WFS1: variants seen among roughly 807,000 people sequenced by gnomAD.
WFS1 encodes the protein wolframin.
Under a neutral mutation model 68.5 loss-of-function variants are expected in WFS1, and 90 were observed. The ratio of observed to expected loss-of-function variants is 1.31; its 90% CI spans 1.11 to 1.56. WFS1 has a LOEUF of 1.56. WFS1 is among the 40% of genes most tolerant of loss of function. The pLI, the probability that WFS1 is intolerant of heterozygous loss-of-function variation, is 0.00. For synonymous variants in WFS1, 860 were observed against 540.7 expected (o/e 1.59, Z -8.19); for missense variants, 1,767 against 1,232.6 (o/e 1.43, Z -6.49).
rs1730394064 is a variant in WFS1, at chr4:6,289,116, T to C, written c.445T>C (p.Leu149=). The C allele has an allele frequency of 4.4e-6, 7 of 1,578,984 alleles. No individual in the cohort carries two copies. The highest frequency in any genetic ancestry group is 4.3e-6 in the Non-Finnish European group (5 of 1,162,700). Residue 149 remains leucine, a synonymous_variant, in exon 4 of 8, where the codon TTG becomes CTG. Transcript: ENST00000226760. ...REAVKLLRRC[L]ADRRGITSEN... ...GGCTGTGAAGCTGCTTCGCCGGTGC[T>C]TGGCGGACAGAAGAGGTGGGTCTGT...
At chr4:6,299,635 T>G (rs1578606536) in intron 7 of WFS1, among the ~76,000 whole-genome samples, 3 of 54,428 alleles carry the variant, frequency 5.5e-5, no homozygotes, top group Admixed American at 2.6e-4. Context: ...TGTGTAGGGG[T>G]GGGTTGCGTG....
At chr4:6,271,943 C>T (rs1486144538) in intron 1 of WFS1, among the ~76,000 whole-genome samples, 3 of 152,300 alleles carry the variant, frequency 2.0e-5, no homozygotes, top group Non-Finnish European at 4.4e-5. Context: ...CAGCCACCTG[C>T]GTGTTCCTGG....
At chr4:6,295,656 A>G (rs367675787) in intron 7 of WFS1, among the ~76,000 whole-genome samples, 1 of 152,332 alleles carries the variant, frequency 6.6e-6, no homozygotes. Context: ...TGGATCTGCA[A>G]GGGCTCAGGG....
chr4:6,299,736 AGGTTGCGTGTGTGTGTGTAGG>A (rs1730792990), intron 7 of WFS1, among the ~76,000 whole-genome samples: 2 of 29,926 alleles, frequency 6.7e-5, no homozygotes, highest in Non-Finnish European at 1.3e-4. Context: ...GAATGCGGGT[AGGTTGCGTGTGTGTGTGTAGG>A]GGTGGGTTGC....
In WFS1 at chr4:6,291,300, C is replaced by A; in HGVS notation, c.564C>A (p.Asn188Lys). 3 of 1,613,448 alleles carry A rather than the reference C, an allele frequency of 1.9e-6. No homozygotes were observed. The highest frequency in any genetic ancestry group is 2.5e-6 in the Non-Finnish European group (3 of 1,180,014). Residue 188 changes from asparagine (N) to lysine (K), a missense_variant, in exon 5 of 8, where the codon AAC becomes AAA. Coordinates refer to ENST00000226760, the MANE Select transcript of WFS1 (RefSeq NM_006005.3). ...KAALVMYWKL[N>K]PKKKKQVAVA... ...CCCTGGTCATGTACTGGAAGCTCAA[C>A]CCCAAGAAGAAGAAGCAGGTGGCCG... is the stretch of plus-strand genomic sequence containing the variant.
intron 4 of WFS1, 120 bp downstream of exon 4, chr4:6,289,251 C>A: frequency 7.3e-7 from 1 of 1,373,466 alleles, no homozygotes; most frequent in Non-Finnish European, 9.8e-7. Context: ...TGGGAAATTT[C>A]AGTTTCTGTT....
At chr4:6,279,652 G>C (rs997201619) in intron 2 of WFS1, among the ~76,000 whole-genome samples, 20 of 152,174 alleles carry the variant, frequency 1.3e-4, no homozygotes, top group African/African-American at 4.8e-4. Context: ...AGCAATATGG[G>C]AGACAGGAGT....
At chr4:6,300,619 T>G in intron 7 of WFS1, 38 bp from the exon 8 acceptor site, 1 of 1,613,362 alleles carries the variant, frequency 6.2e-7, no homozygotes, top group South Asian at 1.1e-5. Flanking sequence ...GTGGGGGTCC[T>G]GTCCCAGCCT....
chr4:6,275,364 G>A (rs2109106464), intron 1 of WFS1, among the ~76,000 whole-genome samples: 1 of 152,284 alleles, frequency 6.6e-6, no homozygotes, highest in South Asian at 2.1e-4. Context: ...ACAGCGTGTG[G>A]GTTCTACGTG....
At chr4:6,276,680 C>T (rs1730004730) in intron 1 of WFS1, among the ~76,000 whole-genome samples, 1 of 152,170 alleles carries the variant, frequency 6.6e-6, no homozygotes, top group South Asian at 2.1e-4. Flanking sequence ...TCAGTACCAG[C>T]GTATTAGTTT....
Position 6,287,251 on chromosome 4 carries a change from C to T in WFS1, c.315+76C>T. On this transcript the variant is annotated intron_variant, in intron 3 of 7. Coordinates refer to ENST00000226760, the MANE Select transcript of WFS1 (RefSeq NM_006005.3). This position sits in a 1 kb window ranked among gnomAD's most constrained non-coding sequence, Gnocchi z 6.4. The stretch of plus-strand genomic sequence containing the variant: ...CAGGCCTGGCCACGAGCTCCACAGC[C>T]CACAGAGAAGTGTCGGTGCCTGAGA... The T allele has an allele frequency of 2.3e-6, 3 of 1,330,970 alleles. No homozygotes were observed. The highest frequency in any genetic ancestry group is 3.2e-6 in the Non-Finnish European group (3 of 949,288). The allele number at this position is 1,330,970 out of a possible 1,614,324, so 82.4% of individuals were successfully genotyped here. A position where few individuals can be genotyped will look rare whatever the true frequency, so the allele number is the denominator to read the frequency against.
At chr4:6,279,777 T>C (rs1283785929) in intron 2 of WFS1, among the ~76,000 whole-genome samples, 1 of 152,220 alleles carries the variant, frequency 6.6e-6, no homozygotes, top group Non-Finnish European at 1.5e-5. Context: ...GAAGACTGCC[T>C]GGAGGAGGCA....
rs149846741 is a variant in WFS1, at chr4:6,300,947, C to G, written c.1152C>G (p.Phe384Leu). 4 of 1,614,046 alleles carry G rather than the reference C, an allele frequency of 2.5e-6. No individual in the cohort carries two copies. Among genetic ancestry groups the G allele is most frequent in the South Asian group, 1.1e-5 (1 of 91,080 alleles). Residue 384 changes from phenylalanine (F) to leucine (L), a missense_variant, in exon 8 of 8, where the codon TTC (phenylalanine) becomes TTG (leucine). Coordinates refer to ENST00000226760, the MANE Select transcript of WFS1 (RefSeq NM_006005.3). Reference protein sequence around the residue: ...FRTLTDLLLRFEPNLDVEQAE... With the variant: ...FRTLTDLLLRLEPNLDVEQAE... ...CCCTCACCGACCTGCTGCTGCGCTT[C>G]GAGCCCAACCTGGATGTGGAGCAGG...
At chr4:6,288,590 G>C (rs920336275) in intron 3 of WFS1, 3 of 322,918 alleles carry the variant, frequency 9.3e-6, no homozygotes, top group Non-Finnish European at 1.8e-5. Flanking sequence ...CCCTTGGTTA[G>C]CTGGCGTCTC....
In WFS1 at chr4:6,289,116, T is replaced by G; in HGVS notation, c.445T>G (p.Leu149Val). 6.3e-7 allele frequency: 1 copy of G among 1,578,984 alleles called. No individual in the cohort carries two copies. Among genetic ancestry groups the G allele is most frequent in the East Asian group, 2.3e-5 (1 of 42,940 alleles). ...GGCTGTGAAGCTGCTTCGCCGGTGCTTGGCGGACAGAAGAGGTGGGTCTGT... is the reference window on the plus strand; with the variant it reads ...GGCTGTGAAGCTGCTTCGCCGGTGCGTGGCGGACAGAAGAGGTGGGTCTGT... ...REAVKLLRRC[L>V]ADRRGITSEN... Residue 149 changes from leucine (L) to valine (V), a missense_variant, in exon 4 of 8, where the codon TTG (leucine) becomes GTG (valine). Coordinates refer to ENST00000226760, the MANE Select transcript of WFS1 (RefSeq NM_006005.3).
At chr4:6,290,507 C>G (rs1231911615) in intron 4 of WFS1, among the ~76,000 whole-genome samples, 2 of 152,260 alleles carry the variant, frequency 1.3e-5, no homozygotes, top group Non-Finnish European at 2.9e-5. Context: ...CTGCACACAC[C>G]TTCTGATGTG....
In WFS1 at chr4:6,277,524, G is replaced by A. The variant is rs750859280; in HGVS notation, c.69G>A (p.Ala23=). The stretch of plus-strand genomic sequence containing the variant: ...CCCCGCCAGCACCGCAGCCCCAGGC[G>A]CGTTCCCGACTCAATGCCACAGCCT... ...PQPPPAPQPQ[A]RSRLNATASL... The change falls in exon 2 of 8, where the codon GCG becomes GCA. Residue 23 remains alanine (A), a synonymous_variant. Coordinates refer to ENST00000226760, the MANE Select transcript of WFS1 (RefSeq NM_006005.3). The A allele has an allele frequency of 7.6e-5, 121 of 1,585,234 alleles. 1 individual carries two copies. Among genetic ancestry groups the A allele is most frequent in the African/African-American group, 2.8e-4 (21 of 74,614 alleles).
In WFS1 at chr4:6,299,907, G is replaced by A. The variant is rs1385714154; in HGVS notation, c.862-750G>A. On this transcript the variant is annotated intron_variant, in intron 7 of 7. Coordinates refer to ENST00000226760, the MANE Select transcript of WFS1 (RefSeq NM_006005.3). The stretch of plus-strand genomic sequence containing the variant: ...GTGTGTGTGTAGGGGTGGGTTGTGT[G>A]TGTGTGTATGGGGTGGGTTTGTGTG... Among the ~76,000 whole-genome samples, 5 of 138,148 alleles carry A rather than the reference G, an allele frequency of 3.6e-5. 1 individual carries two copies. Among genetic ancestry groups the A allele is most frequent in the Admixed American group, 7.1e-5 (1 of 14,160 alleles). 90.6% of individuals were successfully genotyped at this position (138,148 alleles called of 152,430 possible). A position where few individuals can be genotyped will look rare whatever the true frequency, so the allele number is the denominator to read the frequency against.
intron 2 of WFS1, among the ~76,000 whole-genome samples, chr4:6,286,682 G>C (rs560019056): frequency 1.3e-5 from 2 of 152,156 alleles, no homozygotes; most frequent in African/African-American, 2.4e-5. Context: ...TCTGGGCTTC[G>C]GGTACAGGTG....
Sources: gnomAD v4.1 joint callset for allele counts (sites outside exome capture counted in the v4.1 genomes callset) on GRCh38, gnomAD v4.1.1 for gene constraint, Gnocchi (gnomAD v3.1) non-coding constraint, MANE v1.5 for transcripts, NCBI Gene and HGNC (gene_info 2026-07-23, HGNC 2026-07-21) for gene names.